YES1: variants seen among roughly 807,000 people sequenced by gnomAD.
YES1 encodes the protein YES proto-oncogene 1, Src family tyrosine kinase.
YES1 carries 39 observed loss-of-function variants against 70.4 expected under a neutral mutation model. That is an observed-to-expected ratio of 0.55 (90% CI 0.43 to 0.72). The LOEUF (loss-of-function observed/expected upper bound fraction) is 0.72. Ranked by LOEUF, YES1 falls within the 30% of genes least tolerant of loss-of-function variation. YES1 has a pLI of 0.00. For missense variants in YES1, 495 were observed against 644.8 expected (o/e 0.77, Z 2.52); for synonymous variants, 198 against 218.6 (o/e 0.91, Z 0.83).
At chr18:785,773 A>C (rs916854019) in intron 1 of YES1, among the ~76,000 whole-genome samples, 17 of 147,690 alleles carry the variant, frequency 1.2e-4, no homozygotes, top group African/African-American at 3.9e-4. Flanking sequence ...TTGTCTCTAC[A>C]AAAGGAAAAA....
At chr18:792,927 G>A (rs982198128) in intron 1 of YES1, among the ~76,000 whole-genome samples, 1 of 151,876 alleles carries the variant, frequency 6.6e-6, no homozygotes, top group East Asian at 1.9e-4. Context: ...ACTAAAAATA[G>A]AGGAATCCTT....
rs1555685496 is a variant in YES1, at chr18:751,774, T to A, written c.302A>T (p.Asp101Val). 1 of 1,606,258 alleles carries A rather than the reference T, an allele frequency of 6.2e-7. No homozygotes were observed. The highest frequency in any genetic ancestry group is 8.5e-7 in the Non-Finnish European group (1 of 1,173,866). ...GTCTTCTGTAGTTCTAGCTTCATAA[T>A]CATATAAGGCCACAAATATAGTAAC... Reference protein sequence around the residue: ...GGVTIFVALYDYEARTTEDLS... With the variant: ...GGVTIFVALYVYEARTTEDLS... The change falls in exon 3 of 12, where the codon GAT (aspartate) becomes GTT (valine). Residue 101 changes from aspartate (D) to valine (V), a missense_variant. Asp to Val is a radical substitution (Grantham distance 152). Around this residue, in one of 2 missense-constraint regions of YES1, gnomAD observed 385 missense variants for 540.9 expected, o/e 0.71. Coordinates refer to ENST00000314574, the MANE Select transcript of YES1 (RefSeq NM_005433.4).
intron 1 of YES1, among the ~76,000 whole-genome samples, chr18:767,569 G>C (rs1480601763): frequency 6.6e-6 from 1 of 152,200 alleles, no homozygotes; most frequent in Non-Finnish European, 1.5e-5. Flanking sequence ...AACCATGTAT[G>C]TGTGTAGGTC....
intron 3 of YES1, among the ~76,000 whole-genome samples, chr18:748,902 T>C (rs1227385950): frequency 1.3e-5 from 2 of 152,190 alleles, no homozygotes; most frequent in South Asian, 4.1e-4. Flanking sequence ...GGCTCAAGCC[T>C]GTAATCCCAG....
intron 1 of YES1, among the ~76,000 whole-genome samples, chr18:811,722 G>A (rs1382834450): frequency 6.6e-6 from 1 of 152,198 alleles, no homozygotes; most frequent in African/African-American, 2.4e-5. Flanking sequence ...CCAGCCTTTA[G>A]GACCCAAAGG....
chr18:810,600 G>C (rs1174061866), intron 1 of YES1, among the ~76,000 whole-genome samples: 2 of 152,090 alleles, frequency 1.3e-5, no homozygotes, highest in East Asian at 3.8e-4. Context: ...TGGAAACATG[G>C]ATATAAACTG....
In YES1 at chr18:724,206, G is replaced by T; in HGVS notation, c.*218C>A. 1.9e-6 allele frequency: 1 copy of T among 535,650 alleles called. No individual in the cohort carries two copies. The highest frequency in any genetic ancestry group is 3.3e-6 in the Non-Finnish European group (1 of 300,434). The allele number at this position is 535,650 out of a possible 1,614,324, so 33.2% of individuals were successfully genotyped here. ...GTCATCAGTATCTTAGCTCTATTTT[G>T]TTTGGACCCTGAAATACGCTGATAA... is the stretch of plus-strand genomic sequence containing the variant. On this transcript the variant is annotated 3_prime_UTR_variant, in exon 12 of 12. Coordinates refer to ENST00000314574, the MANE Select transcript of YES1 (RefSeq NM_005433.4).
At chr18:812,022 G>T in intron 1 of YES1, 92 bp downstream of exon 1, 1 of 143,824 alleles carries the variant, frequency 7.0e-6, no homozygotes, top group Non-Finnish European at 1.3e-5. Flanking sequence ...GAACCGCGGC[G>T]GCGGCGGCGG....
intron 1 of YES1, among the ~76,000 whole-genome samples, chr18:804,973 T>C (rs1282713758): frequency 6.6e-6 from 1 of 151,758 alleles, no homozygotes; most frequent in Non-Finnish European, 1.5e-5. Context: ...GCTTAATTAG[T>C]AGAACTGCAA....
At chr18:760,927 C>A (rs770900153) in intron 1 of YES1, among the ~76,000 whole-genome samples, 4 of 152,034 alleles carry the variant, frequency 2.6e-5, no homozygotes, top group Admixed American at 1.3e-4. Flanking sequence ...TTAATACAGA[C>A]AACTCTTATG....
chr18:738,615 G>C (rs1397586766), intron 9 of YES1: 1 of 150,624 alleles, frequency 6.6e-6, no homozygotes, highest in African/African-American at 2.4e-5. Flanking sequence ...GTGTGAACCT[G>C]GGAGATGGAG....
intron 1 of YES1, among the ~76,000 whole-genome samples, chr18:767,953 G>A (rs994577851): frequency 2.6e-5 from 4 of 151,894 alleles, no homozygotes; most frequent in East Asian, 1.9e-4. Flanking sequence ...CAACCGCCTC[G>A]GCCTCCCAAA....
chr18:761,178 G>C (rs1904574026), intron 1 of YES1, among the ~76,000 whole-genome samples: 1 of 151,690 alleles, frequency 6.6e-6, no homozygotes, highest in South Asian at 2.1e-4. Context: ...AAAACTGGGA[G>C]GGGGAAAGGT....
chr18:780,439 T>C (rs571587262), intron 1 of YES1, among the ~76,000 whole-genome samples: 1 of 152,116 alleles, frequency 6.6e-6, no homozygotes, highest in Non-Finnish European at 1.5e-5. Flanking sequence ...CTTAGCACAA[T>C]AGCACACTCA....
chr18:736,739 C>G (rs1235262327), intron 10 of YES1, 69 bp downstream of exon 10: 2 of 1,548,116 alleles, frequency 1.3e-6, no homozygotes, highest in Non-Finnish European at 1.7e-6. Flanking sequence ...TCTGGAAAAC[C>G]CTGTATAGTC....
chr18:778,839 A>G (rs1476289410), intron 1 of YES1, among the ~76,000 whole-genome samples: 2 of 152,238 alleles, frequency 1.3e-5, no homozygotes, highest in African/African-American at 4.8e-5. Context: ...GCAGCAGACT[A>G]CTAAAGGGCA....
intron 10 of YES1, among the ~76,000 whole-genome samples, chr18:734,122 T>C (rs9959614): frequency 0.097 from 14,670 of 150,724 alleles, 891 homozygotes; most frequent in Admixed American, 0.21. Flanking sequence ...GTACCAAAAA[T>C]ACAAAACTTA....
At chr18:779,247 T>G (rs1314797179) in intron 1 of YES1, among the ~76,000 whole-genome samples, 3 of 151,648 alleles carry the variant, frequency 2.0e-5, no homozygotes, top group Non-Finnish European at 2.9e-5. Flanking sequence ...GGCAAAAAAT[T>G]TTTTAAATCA....
chr18:791,432 A>C (rs1906244509), intron 1 of YES1, among the ~76,000 whole-genome samples: 1 of 152,172 alleles, frequency 6.6e-6, no homozygotes, highest in Non-Finnish European at 1.5e-5. Flanking sequence ...TTTAATCCTT[A>C]CAACCACCCT....
Sources: gnomAD v4.1 joint callset for allele counts (sites outside exome capture counted in the v4.1 genomes callset) on GRCh38, gnomAD v4.1.1 for gene constraint, gnomAD v4.1.1 regional missense constraint, MANE v1.5 for transcripts, NCBI Gene and HGNC (gene_info 2026-07-23, HGNC 2026-07-21) for gene names.